Variants in RNASEL observed in about 807,000 individuals in gnomAD.
RNASEL encodes ribonuclease L.
A neutral mutation model predicts 50.9 loss-of-function variants in RNASEL; 36 were observed. The ratio of observed to expected loss-of-function variants is 0.71; its 90% CI spans 0.54 to 0.93. The LOEUF is 0.93. RNASEL is among the 40% of genes least tolerant of loss of function. The probability of loss-of-function intolerance (pLI) is 0.00; values close to 1 mark genes in which losing one functional copy is unlikely to be tolerated. For missense variants in RNASEL, 860 were observed against 894.5 expected, an observed-to-expected ratio of 0.96 and a Z score of 0.49; for synonymous variants, 335 against 335.6, an observed-to-expected ratio of 1.00 and a Z score of 0.02.
At position 182,582,108 on chromosome 1, in the gene RNASEL, C is replaced by T. The variant is rs372951844; in HGVS notation, c.1717G>A (p.Val573Met). 94 of 1,614,102 alleles carry T rather than the reference C, an allele frequency of 5.8e-5. No individual in the cohort carries two copies. The highest frequency in any genetic ancestry group is 7.7e-5 in the Non-Finnish European group (91 of 1,180,032). Reference sequence around the variant, plus strand: ...AGCAGGTCACTCAGACAGTCCCTCACATGTTCCCCAGGATGGAAGAGACGA... The same window carrying T: ...AGCAGGTCACTCAGACAGTCCCTCATATGTTCCCCAGGATGGAAGAGACGA... Reference protein sequence around the residue: ...IHRLFHPGEHVRDCLSDLLGH... With the variant: ...IHRLFHPGEHMRDCLSDLLGH... The change falls in exon 4 of 7, where the codon GTG becomes ATG. Residue 573 changes from valine to methionine, a missense_variant. Physicochemically the swap from Val to Met is conservative, Grantham distance 21 (BLOSUM62 1). Transcript: ENST00000367559.
intron 5 of RNASEL, among the ~76,000 whole-genome samples, chr1:182,577,966 G>A (rs1032543771): frequency 4.6e-5 from 7 of 152,018 alleles, no homozygotes; most frequent in Non-Finnish European, 1.0e-4. Flanking sequence ...CTCTCTCTCA[G>A]TGTATACAAA....
In RNASEL at chr1:182,582,117, C is replaced by T. The variant is rs1661507793; in HGVS notation, c.1708G>A (p.Gly570Arg). The part of the protein sequence containing the change: ...KDLIHRLFHP[G>R]EHVRDCLSDL... ...CTCAGACAGTCCCTCACATGTTCCC[C>T]AGGATGGAAGAGACGATGAATGAGG... Residue 570 changes from glycine to arginine, a missense_variant, in exon 4 of 7, where the codon GGG (glycine) becomes AGG (arginine). Transcript: ENST00000367559. 6.2e-7 allele frequency: 1 copy of T among 1,614,074 alleles called. No homozygotes were observed. The highest frequency in any genetic ancestry group is 1.3e-5 in the African/African-American group (1 of 74,926).
intron 3 of RNASEL, among the ~76,000 whole-genome samples, chr1:182,583,088 A>C (rs2102368073): frequency 6.6e-6 from 1 of 152,260 alleles, no homozygotes. Context: ...CACGAGTTTG[A>C]GTTTGTGGTG....
Position 182,585,625 on chromosome 1 carries a change from G to A in RNASEL, c.1182C>T (p.Phe394=), listed in dbSNP as rs749149477. 6.2e-7 allele frequency: 1 copy of A among 1,614,176 alleles called. No homozygotes were observed. Among genetic ancestry groups the A allele is most frequent in the Non-Finnish European group, 8.5e-7 (1 of 1,180,036 alleles). ...YEKQEVAVKT[F]CEGSPRAQRE... is the part of the protein sequence containing the mutation. ...GCTGTGCACGTGGGCTGCCCTCACA[G>A]AACGTCTTCACAGCTACTTCTTGCT... Residue 394 remains phenylalanine, a synonymous_variant, in exon 2 of 7, where the codon TTC becomes TTT. Coordinates refer to ENST00000367559, the MANE Select transcript of RNASEL (RefSeq NM_021133.4).
chr1:182,574,134 G>C lies in RNASEL; in HGVS notation c.*1258C>G. The C allele has an allele frequency of 4.6e-6, 1 of 218,542 alleles. No individual in the cohort carries two copies. The allele number at this position is 218,542 out of a possible 1,614,324, so 13.5% of individuals were successfully genotyped here. A position where few individuals can be genotyped will look rare whatever the true frequency, so the allele number is the denominator to read the frequency against. On this transcript the variant is annotated 3_prime_UTR_variant, in exon 7 of 7. Coordinates refer to ENST00000367559, the MANE Select transcript of RNASEL (RefSeq NM_021133.4). ...ATACATTATAAAGCACCAGAAAAACGTAAGACAGTATTATTATTCATGTAC... is the reference window on the plus strand; with the variant it reads ...ATACATTATAAAGCACCAGAAAAACCTAAGACAGTATTATTATTCATGTAC...
chr1:182,584,007 T>C, intron 3 of RNASEL, 74 bp downstream of exon 3: 1 of 1,092,454 alleles, frequency 9.2e-7, no homozygotes, highest in African/African-American at 1.5e-5. Context: ...TCTGTCCCTC[T>C]AGAGAACCCT....
intron 5 of RNASEL, chr1:182,578,043 C>T (rs888934437): frequency 4.6e-5 from 7 of 152,128 alleles, no homozygotes; most frequent in Non-Finnish European, 8.8e-5. Flanking sequence ...TAAAAGAAAA[C>T]CTAGGAAAAA....
Position 182,579,553 on chromosome 1 carries a change from A to T in RNASEL, c.1905+1672T>A, listed in dbSNP as rs571180951. ...GATGGGGCAAGTCAAGAACCAATAC[A>T]GTCATACAAGCTGGAAAACTTGGGC... On this transcript the variant is annotated intron_variant, in intron 5 of 6. Coordinates refer to ENST00000367559, the MANE Select transcript of RNASEL (RefSeq NM_021133.4). 5.3e-6 allele frequency: 6 copies of T among 1,136,850 alleles called. No individual in the cohort carries two copies. The Admixed American group carries it at 2.8e-4, about 54-fold the overall frequency. 70.4% of individuals were successfully genotyped at this position (1,136,850 alleles called of 1,614,324 possible).
At chr1:182,579,704 C>A (rs1038665885) in intron 5 of RNASEL, 10 of 1,144,388 alleles carry the variant, frequency 8.7e-6, no homozygotes, top group Non-Finnish European at 1.1e-5. Context: ...TATCAAAATT[C>A]AATATAAGCC....
rs1011639686 is a variant in RNASEL, at chr1:182,581,473, C to CTTTT, written c.1773-120_1773-117dup. 2.7e-3 allele frequency: 790 copies of CTTTT among 293,926 alleles called. 7 individuals carry two copies. Among genetic ancestry groups the CTTTT allele is most frequent in the Middle Eastern group, 3.9e-3 (3 of 766 alleles). The allele number at this position is 293,926 out of a possible 1,614,324, so 18.2% of individuals were successfully genotyped here. A position where few individuals can be genotyped will look rare whatever the true frequency, so the allele number is the denominator to read the frequency against. ...TTTTGTGCTTTCTTGGTTTTTCTTTCTTTTTTTTTTTTTTTTTTTTTTTTT... is the reference window on the plus strand; with the variant it reads ...TTTTGTGCTTTCTTGGTTTTTCTTTCTTTTTTTTTTTTTTTTTTTTTTTTTTTTT... On this transcript the variant is annotated intron_variant, in intron 4 of 6. Transcript: ENST00000367559.
chr1:182,579,193 C>T, intron 5 of RNASEL: 1 of 966,382 alleles, frequency 1.0e-6, no homozygotes, highest in South Asian at 4.8e-5. Flanking sequence ...ATCCATGTAA[C>T]AAAACTATAC....
rs1661573556 is a variant in RNASEL, at chr1:182,585,451, A to C, written c.1356T>G (p.Asp452Glu). Residue 452 changes from aspartate (D) to glutamate (E), a missense_variant, in exon 2 of 7, where the codon GAT (aspartate) becomes GAG (glutamate). By Grantham distance (45) the Asp-to-Glu change is conservative. Transcript: ENST00000367559. ...CAAATTCATCTTCCTCATTTTCCAC[A>C]TCTTCCCCTCTGTGCACATCCAAAC... ...EACLDVHRGE[D>E]VENEEDEFAR... is the part of the protein sequence containing the mutation. 6.2e-7 allele frequency: 1 copy of C among 1,614,016 alleles called. No homozygotes were observed. The highest frequency in any genetic ancestry group is 1.7e-5 in the Admixed American group (1 of 59,994).
rs778721195 is a variant in RNASEL at position 182,586,773 on chromosome 1, C to T, written c.34G>A (p.Gly12Arg). 1.2e-6 allele frequency: 2 copies of T among 1,614,250 alleles called. No homozygotes were observed. The highest frequency in any genetic ancestry group is 1.7e-6 in the Non-Finnish European group (2 of 1,180,044). ...ESRDHNNPQE[G>R]PTSSSGRRAA... ...CTTCTACCGCTGGAGGACGTGGGTC[C>T]CTCCTGGGGGTTGTTATGATCCCTG... Residue 12 changes from glycine (G) to arginine (R), a missense_variant, in exon 2 of 7, where the codon GGA becomes AGA. By Grantham distance (125) the Gly-to-Arg change is moderately radical (BLOSUM62 -2). Transcript: ENST00000367559.
chr1:182,575,260 A>G lies in RNASEL; in HGVS notation c.*132T>C. On this transcript the variant is annotated 3_prime_UTR_variant, in exon 7 of 7. Transcript: ENST00000367559. ...ATAGACATATGGAATACACGATGCC[A>G]GGGACTGACATATCAGCTATGCAAC... is the stretch of plus-strand genomic sequence containing the variant. 1 of 846,074 alleles carries G rather than the reference A, an allele frequency of 1.2e-6. No individual in the cohort carries two copies. The allele number at this position is 846,074 out of a possible 1,614,324, so 52.4% of individuals were successfully genotyped here. A position where few individuals can be genotyped will look rare whatever the true frequency, so the allele number is the denominator to read the frequency against.
In RNASEL at chr1:182,586,460, G is replaced by A. The variant is rs1482298377; in HGVS notation, c.347C>T (p.Ala116Val). Residue 116 changes from alanine (A) to valine (V), a missense_variant, in exon 2 of 7, where the codon GCA (alanine) becomes GTA (valine). Coordinates refer to ENST00000367559, the MANE Select transcript of RNASEL (RefSeq NM_021133.4). ...ATAAAAATCACACTCATTGACATCT[G>A]CTCCTTTAGAAAGGAAAAGTTTCAG... is the stretch of plus-strand genomic sequence containing the variant. ...KLLKLFLSKG[A>V]DVNECDFYGF... 2 of 1,613,928 alleles carry A rather than the reference G, an allele frequency of 1.2e-6. No homozygotes were observed. The highest frequency in any genetic ancestry group is 3.3e-5 in the Admixed American group (2 of 60,020).
In RNASEL at chr1:182,585,434, T is replaced by C. The variant is rs2102369935; in HGVS notation, c.1373A>G (p.Asp458Gly). The change falls in exon 2 of 7, where the codon GAT becomes GGT. Residue 458 changes from aspartate to glycine, a missense_variant. Transcript: ENST00000367559. ...TGACAGGACATTTCGGGCAAATTCA[T>C]CTTCCTCATTTTCCACATCTTCCCC... The part of the protein sequence containing the change: ...HRGEDVENEE[D>G]EFARNVLSSI... 1 of 1,614,190 alleles carries C rather than the reference T, an allele frequency of 6.2e-7. No homozygotes were observed. The highest frequency in any genetic ancestry group is 8.5e-7 in the Non-Finnish European group (1 of 1,180,026).
Position 182,585,844 on chromosome 1 carries a change from G to A in RNASEL, c.963C>T (p.Leu321=). 6.2e-7 allele frequency: 1 copy of A among 1,613,416 alleles called. No homozygotes were observed. Among genetic ancestry groups the A allele is most frequent in the Non-Finnish European group, 8.5e-7 (1 of 1,179,606 alleles). ...GAAAATCTTCTTTGGCTCCATGAGAGAGAAGAACCTTCACAAGGGAATGGT... is the reference window on the plus strand; with the variant it reads ...GAAAATCTTCTTTGGCTCCATGAGAAAGAAGAACCTTCACAAGGGAATGGT... The part of the protein sequence containing the change: ...NYDHSLVKVL[L]SHGAKEDFHP... Residue 321 remains leucine, a synonymous_variant, in exon 2 of 7, where the codon CTC becomes CTT. Coordinates refer to ENST00000367559, the MANE Select transcript of RNASEL (RefSeq NM_021133.4).
Position 182,573,920 on chromosome 1 carries a change from G to A in RNASEL, c.*1472C>T, listed in dbSNP as rs1309014899. On this transcript the variant is annotated 3_prime_UTR_variant, in exon 7 of 7. Transcript: ENST00000367559. ...ATCTCAACCACCACAATGATTCATG[G>A]AAAGAACATCAGACTTAGCACCAGA... 5.0e-6 allele frequency: 1 copy of A among 199,556 alleles called. No homozygotes were observed. The highest frequency in any genetic ancestry group is 2.3e-5 in the African/African-American group (1 of 43,470). 12.4% of individuals were successfully genotyped at this position (199,556 alleles called of 1,614,324 possible).
intron 4 of RNASEL, among the ~76,000 whole-genome samples, 156 bp downstream of exon 4, chr1:182,581,897 A>G (rs1423467788): frequency 6.6e-6 from 1 of 152,200 alleles, no homozygotes; most frequent in East Asian, 1.9e-4. Flanking sequence ...AGCAGACTCC[A>G]GAGAGGTTAA....
Sources: gnomAD v4.1 joint callset for allele counts (sites outside exome capture counted in the v4.1 genomes callset) on GRCh38, gnomAD v4.1.1 for gene constraint, MANE v1.5 for transcripts, NCBI Gene and HGNC (gene_info 2026-07-23, HGNC 2026-07-21) for gene names.